Variants in FGF13 observed in about 807,000 individuals in gnomAD.
The protein encoded by FGF13 is fibroblast growth factor homologous factor 2.
In FGF13, 2 loss-of-function variants were observed where a neutral mutation model predicts 19.5. That is an observed-to-expected ratio of 0.10 (90% CI 0.04 to 0.32). The LOEUF (loss-of-function observed/expected upper bound fraction) is 0.32, where lower values mean the gene tolerates loss of function less well. FGF13 is among the 10% of genes least tolerant of loss of function. FGF13 has a pLI of 1.00. For synonymous variants in FGF13, 72 were observed against 76.9 expected, an observed-to-expected ratio of 0.94 and a Z score of 0.33; for missense variants, 113 against 192.7, an observed-to-expected ratio of 0.59 and a Z score of 2.45.
chrX:138,745,583 C>T (rs2090349765), intron 3 of FGF13, among the ~76,000 whole-genome samples: 1 of 112,189 alleles, frequency 8.9e-6, no homozygotes, highest in Admixed American at 9.4e-5. Context: ...GTTAGCATCT[C>T]GCGACAATAG....
At chrX:138,984,307 T>A (rs986175784) in intron 1 of FGF13, among the ~76,000 whole-genome samples, 3 of 107,720 alleles carry the variant, frequency 2.8e-5, no homozygotes, top group African/African-American at 1.0e-4. Context: ...ACTCAGGAGT[T>A]TGAGGCAGAA....
At chrX:138,767,388 G>C (rs914382604) in intron 3 of FGF13, among the ~76,000 whole-genome samples, 2 of 111,758 alleles carry the variant, frequency 1.8e-5, no homozygotes, top group African/African-American at 6.5e-5. Context: ...AAGTCCCATG[G>C]GGATCTTGTT....
intron 3 of FGF13, among the ~76,000 whole-genome samples, chrX:138,783,443 A>G (rs2090664125): frequency 9.7e-6 from 1 of 102,982 alleles, no homozygotes; most frequent in Non-Finnish European, 2.0e-5. Flanking sequence ...TCCAGAATCT[A>G]CAATGAACTC....
chrX:138,816,683 G>A (rs762272872), intron 3 of FGF13, among the ~76,000 whole-genome samples: 11 of 112,614 alleles, frequency 9.8e-5, no homozygotes, highest in Non-Finnish European at 1.7e-4. Flanking sequence ...CCCATGGGCC[G>A]CATGAGGCCC....
intron 1 of FGF13, among the ~76,000 whole-genome samples, chrX:138,945,592 G>A (rs2091778186): frequency 8.9e-6 from 1 of 111,808 alleles, no homozygotes; most frequent in Non-Finnish European, 1.9e-5. Flanking sequence ...CCCTTTGTCA[G>A]GGAAGTAGCC....
In FGF13 at chrX:138,946,235, G is replaced by A. The variant is rs773809852; in HGVS notation, c.-112-81585C>T. Among the ~76,000 whole-genome samples the A allele has an allele frequency of 3.0e-4, 33 of 111,701 alleles. 1 individual carries two copies. In the South Asian group the frequency reaches 0.012, roughly 42 times the overall value. On this transcript the variant is annotated intron_variant, in intron 1 of 2. Coordinates refer to the FGF13 transcript ENST00000421460. ...CATGATTGATTTCCAATAAATGGGG[G>A]CTCTTTGTTAGGAAGTACAAGCAGC...
chrX:138,875,556 T>G (rs1013253771), intron 1 of FGF13, among the ~76,000 whole-genome samples: 2 of 112,264 alleles, frequency 1.8e-5, no homozygotes, highest in African/African-American at 6.5e-5. Flanking sequence ...GGTGCCCAGA[T>G]AGTTGGTCAA....
chrX:138,768,896 AG>A (rs2090524451), intron 3 of FGF13, among the ~76,000 whole-genome samples: 1 of 108,907 alleles, frequency 9.2e-6, no homozygotes, highest in South Asian at 4.0e-4. Flanking sequence ...AGAGCCTCTG[AG>A]GGAAGAGTGG....
At chrX:138,732,602 T>C (rs1488139752) in intron 1 of FGF13, among the ~76,000 whole-genome samples, 2 of 111,467 alleles carry the variant, frequency 1.8e-5, no homozygotes, top group Admixed American at 9.6e-5. Context: ...AAATGTTGAC[T>C]AGGAAAAGGC....
intron 3 of FGF13, among the ~76,000 whole-genome samples, chrX:138,662,240 C>T (rs915759309): frequency 3.6e-5 from 4 of 111,298 alleles, no homozygotes; most frequent in African/African-American, 9.8e-5. Context: ...ATCCATTGTT[C>T]GTTTAATTTC....
rs758424172 is a variant in FGF13, at chrX:138,779,311, C to T, written c.218-70383G>A. Reference sequence around the variant, plus strand: ...TCACCAGCAACGAAACAAAGCTGGACGGAGAATGACTTTGACGAGCTGAGA... The same window carrying T: ...TCACCAGCAACGAAACAAAGCTGGATGGAGAATGACTTTGACGAGCTGAGA... On this transcript the variant is annotated intron_variant, in intron 3 of 6. Coordinates refer to the FGF13 transcript ENST00000436198. 2.6e-4 allele frequency among the ~76,000 whole-genome samples: 29 copies of T among 112,086 alleles called. No individual in the cohort carries two copies. The South Asian group carries it at 3.4e-3, about 13-fold the overall frequency.
intron 1 of FGF13, among the ~76,000 whole-genome samples, chrX:139,198,741 G>C (rs1408565245): frequency 9.1e-6 from 1 of 110,484 alleles, no homozygotes; most frequent in East Asian, 2.8e-4. Flanking sequence ...ACCATTTTCA[G>C]AATTAATACT....
At chrX:138,726,236 TCC>T (rs746547179) in intron 1 of FGF13, among the ~76,000 whole-genome samples, 41 of 111,505 alleles carry the variant, frequency 3.7e-4, no homozygotes, top group Non-Finnish European at 7.0e-4. Context: ...AGCACAGGAA[TCC>T]TGAAGCCCTG....
At chrX:138,861,624 C>T (rs1012792658) in intron 2 of FGF13, among the ~76,000 whole-genome samples, 1 of 112,033 alleles carries the variant, frequency 8.9e-6, no homozygotes, top group Admixed American at 9.5e-5. Context: ...GGAGGGGAAG[C>T]AACTTCTTAA....
intron 1 of FGF13, among the ~76,000 whole-genome samples, chrX:139,023,933 T>C (rs922957741): frequency 1.8e-5 from 2 of 111,711 alleles, no homozygotes; most frequent in Non-Finnish European, 3.8e-5. Flanking sequence ...ACAATGCATA[T>C]ATCTTACTTT....
chrX:138,719,010 C>CT (rs1305742740), intron 1 of FGF13, among the ~76,000 whole-genome samples: 1 of 112,523 alleles, frequency 8.9e-6, no homozygotes, highest in Non-Finnish European at 1.9e-5. Flanking sequence ...CCTGGAAAGA[C>CT]TAAGTGATAT....
intron 3 of FGF13, among the ~76,000 whole-genome samples, chrX:138,772,018 G>GTATA (rs56411673): frequency 0.064 from 3,613 of 56,063 alleles, 181 homozygotes; most frequent in Non-Finnish European, 0.091. Flanking sequence ...ATACATATGT[G>GTATA]TATATATATA....
At chrX:138,981,575 C>T (rs1055067066) in intron 1 of FGF13, among the ~76,000 whole-genome samples, 4 of 110,922 alleles carry the variant, frequency 3.6e-5, no homozygotes, top group Non-Finnish European at 7.5e-5. Context: ...ACCCACACAG[C>T]GTTCCAGAAA....
intron 3 of FGF13, among the ~76,000 whole-genome samples, chrX:138,838,786 G>A (rs1008171493): frequency 9.0e-6 from 1 of 111,696 alleles, no homozygotes; most frequent in African/African-American, 3.3e-5. Context: ...CACAGCTGGA[G>A]AGAAACTGCC....
Sources: allele counts gnomAD v4.1 joint callset (sites outside exome capture counted in the v4.1 genomes callset), GRCh38; gene constraint gnomAD v4.1.1; transcripts MANE v1.5; gene names NCBI Gene and HGNC (gene_info 2026-07-23, HGNC 2026-07-21).